The following INSL6 variants were observed in gnomAD, a reference collection of about 807,000 sequenced individuals.
INSL6 encodes the protein insulin like 6.
In INSL6, 16 loss-of-function variants were observed where a neutral mutation model predicts 9.4. That is an observed-to-expected ratio of 1.70 (90% CI 1.15 to 2.59). The LOEUF (loss-of-function observed/expected upper bound fraction) is 2.59. Among genes scored for constraint, INSL6 ranks in the 30% most tolerant of loss-of-function variants. The probability of loss-of-function intolerance (pLI) is 0.00; values close to 1 mark genes in which losing one functional copy is unlikely to be tolerated. For synonymous variants in INSL6, 154 were observed against 96.9 expected, an observed-to-expected ratio of 1.59 and a Z score of -3.46; for missense variants, 391 against 257.3, an observed-to-expected ratio of 1.52 and a Z score of -3.56.
chr9:5,105,221 C>CA, the INSL6 span, among the ~76,000 whole-genome samples: 1 of 152,188 alleles, frequency 6.6e-6, no homozygotes, highest in Non-Finnish European at 1.5e-5. Context: ...TCTCAGGATA[C>CA]AAAATCAATG....
At chr9:5,173,382 G>A (rs1010777594) in intron 1 of INSL6, among the ~76,000 whole-genome samples, 13 of 152,112 alleles carry the variant, frequency 8.5e-5, no homozygotes, top group African/African-American at 2.9e-4. Context: ...ATAAGAGACT[G>A]GATATAGAAA....
At chr9:5,094,912 ACAACCAACT>A in the INSL6 span, 1 of 152,138 alleles carries the variant, frequency 6.6e-6, no homozygotes, top group Non-Finnish European at 1.5e-5. Flanking sequence ...CAATTCCACT[ACAACCAACT>A]CATATACCTT....
intron 2 of INSL6, among the ~76,000 whole-genome samples, chr9:5,153,489 C>T (rs575494373): frequency 7.2e-5 from 11 of 152,228 alleles, no homozygotes; most frequent in African/African-American, 2.2e-4. Context: ...CTGCCTCAGG[C>T]AAGAGAAAGA....
rs1564049277 is a variant in INSL6, at chr9:5,163,946, T to A, written c.609A>T (p.Glu203Asp). Reference protein sequence around the residue: ...LPYIDFKRLKEKRSSLVTKIY With the variant: ...LPYIDFKRLKDKRSSLVTKIY Reference sequence around the variant, plus strand: ...TCTTAGTTACAAGTGATGATCTTTTTTCCTTTAGCCTTTTAAAATCAATAT... The same window carrying A: ...TCTTAGTTACAAGTGATGATCTTTTATCCTTTAGCCTTTTAAAATCAATAT... Residue 203 changes from glutamate (E) to aspartate (D), a missense_variant, in exon 2 of 2, where the codon GAA (glutamate) becomes GAT (aspartate). Coordinates refer to ENST00000381641, the MANE Select transcript of INSL6 (RefSeq NM_007179.3). 1.9e-6 allele frequency: 3 copies of A among 1,607,488 alleles called. No individual in the cohort carries two copies.
chr9:5,031,769 C>G, the INSL6 span, among the ~76,000 whole-genome samples: 10 of 152,086 alleles, frequency 6.6e-5, no homozygotes, highest in Non-Finnish European at 1.2e-4. Context: ...AATGAAAAGG[C>G]AGGAGGGTGG....
the INSL6 span, among the ~76,000 whole-genome samples, chr9:5,071,406 C>T: frequency 1.6e-4 from 24 of 152,068 alleles, no homozygotes; most frequent in African/African-American, 5.5e-4. Context: ...AATACATATA[C>T]ATGTTTAAAG....
chr9:5,152,079 G>A (rs1483117153), intron 2 of INSL6, among the ~76,000 whole-genome samples: 2 of 151,852 alleles, frequency 1.3e-5, no homozygotes, highest in Non-Finnish European at 2.9e-5. Flanking sequence ...AATACATTAA[G>A]AACGAATGCA....
intron 2 of INSL6, among the ~76,000 whole-genome samples, chr9:5,148,033 G>A (rs1302276728): frequency 6.6e-6 from 1 of 152,102 alleles, no homozygotes; most frequent in Admixed American, 6.5e-5. Context: ...TTCCATATCT[G>A]CCATTTCAGA....
At chr9:5,069,137 A>T in the INSL6 span, 1 of 1,613,172 alleles carries the variant, frequency 6.2e-7, no homozygotes, top group Non-Finnish European at 8.5e-7. Context: ...TTGAATTGTT[A>T]CCAGATGGAA....
the INSL6 span, among the ~76,000 whole-genome samples, chr9:5,063,592 C>G: frequency 6.6e-6 from 1 of 152,076 alleles, no homozygotes; most frequent in South Asian, 2.1e-4. Context: ...GTGATTGAGA[C>G]AAATTAGAAA....
At chr9:5,086,017 A>G in the INSL6 span, 2 of 808,706 alleles carry the variant, frequency 2.5e-6, 1 homozygote, top group Non-Finnish European at 4.4e-6. Flanking sequence ...GATATACTAT[A>G]TACATTTGGA....
At chr9:4,994,305 G>A in the INSL6 span, among the ~76,000 whole-genome samples, 1 of 152,116 alleles carries the variant, frequency 6.6e-6, no homozygotes, top group Non-Finnish European at 1.5e-5. Context: ...AAGACAGTGA[G>A]GATTAACTGT....
At chr9:5,097,202 AC>A in the INSL6 span, 4 of 151,682 alleles carry the variant, frequency 2.6e-5, no homozygotes, top group Admixed American at 6.6e-5. Context: ...AATATCAAAC[AC>A]CCCTTTTCGT....
the INSL6 span, chr9:5,077,421 G>A: frequency 1.3e-6 from 1 of 786,904 alleles, no homozygotes; most frequent in East Asian, 3.5e-5. Context: ...TTATACTTAA[G>A]CCTTATTATT....
chr9:5,133,091 T>G (rs1304848833), intron 3 of INSL6, among the ~76,000 whole-genome samples: 1 of 152,136 alleles, frequency 6.6e-6, no homozygotes, highest in East Asian at 1.9e-4. Context: ...GTGTGAAAAC[T>G]GATGTTGGAG....
At chr9:5,131,314 C>T (rs567038371) in intron 3 of INSL6, among the ~76,000 whole-genome samples, 60 of 151,974 alleles carry the variant, frequency 3.9e-4, no homozygotes, top group Non-Finnish European at 4.4e-4. Flanking sequence ...TTATTATGTC[C>T]TTAGTAACAT....
At chr9:5,109,243 C>T in the INSL6 span, 1 of 152,140 alleles carries the variant, frequency 6.6e-6, no homozygotes, top group Non-Finnish European at 1.5e-5. Context: ...ACATGTTACA[C>T]CTATTCTTCT....
chr9:5,112,053 G>C, the INSL6 span: 1 of 409,230 alleles, frequency 2.4e-6, no homozygotes, highest in Non-Finnish European at 4.9e-6. Context: ...CAGCTACGAC[G>C]GGGGTCTCCA....
the INSL6 span, among the ~76,000 whole-genome samples, chr9:5,081,130 T>C: frequency 3.7e-4 from 56 of 151,984 alleles, no homozygotes; most frequent in African/African-American, 1.3e-3. Context: ...CTCCTGATCT[T>C]GTGATCCGCC....
Sources: allele counts gnomAD v4.1 joint callset (sites outside exome capture counted in the v4.1 genomes callset), GRCh38; gene constraint gnomAD v4.1.1; transcripts MANE v1.5; gene names NCBI Gene and HGNC (gene_info 2026-07-23, HGNC 2026-07-21).